The following USH2A variants were observed in gnomAD, a reference collection of about 807,000 sequenced individuals.
USH2A encodes usherin, also known as Usher syndrome 2A (autosomal recessive, mild).
A neutral mutation model predicts 538.9 loss-of-function variants in USH2A; 443 were observed. That is an observed-to-expected ratio of 0.82 (90% CI 0.76 to 0.89). USH2A has a LOEUF of 0.89. Ranked by LOEUF, USH2A falls within the 40% of genes least tolerant of loss-of-function variation. The probability of loss-of-function intolerance (pLI) is 0.00; values close to 1 mark genes in which losing one functional copy is unlikely to be tolerated. For missense variants in USH2A, 6,633 were observed against 6,324.8 expected, an observed-to-expected ratio of 1.05 and a Z score of -1.65; for synonymous variants, 2,413 against 2,273.5, an observed-to-expected ratio of 1.06 and a Z score of -1.75.
At chr1:215,747,111 G>T (rs1031423721) in intron 58 of USH2A, among the ~76,000 whole-genome samples, 1 of 152,172 alleles carries the variant, frequency 6.6e-6, no homozygotes, top group Non-Finnish European at 1.5e-5. Flanking sequence ...GTGCCAGTGT[G>T]CTGAACAAGT....
At chr1:216,272,370 G>A (rs1410392764) in intron 11 of USH2A, among the ~76,000 whole-genome samples, 1 of 151,906 alleles carries the variant, frequency 6.6e-6, no homozygotes, top group Admixed American at 6.6e-5. Flanking sequence ...TTTTGATGTT[G>A]GTACTTTGTG....
At chr1:216,184,234 A>T (rs992714452) in intron 20 of USH2A, among the ~76,000 whole-genome samples, 1 of 152,016 alleles carries the variant, frequency 6.6e-6, no homozygotes, top group Non-Finnish European at 1.5e-5. Context: ...TCATCAGAGG[A>T]TTCCAATGCT....
intron 38 of USH2A, among the ~76,000 whole-genome samples, chr1:215,912,473 ATACG>A (rs1196586089): frequency 3.1e-4 from 5 of 16,058 alleles, no homozygotes; most frequent in African/African-American, 9.5e-4. Flanking sequence ...ATATATATAT[ATACG>A]TATATATATA....
intron 3 of USH2A, among the ~76,000 whole-genome samples, chr1:216,392,322 C>T (rs571664769): frequency 6.6e-6 from 1 of 151,796 alleles, no homozygotes; most frequent in Non-Finnish European, 1.5e-5. Flanking sequence ...CACGGTGAAA[C>T]CCTGTCTCTA....
intron 68 of USH2A, 131 bp downstream of exon 68, chr1:215,640,427 C>T: frequency 8.2e-7 from 1 of 1,215,282 alleles, no homozygotes; most frequent in Non-Finnish European, 1.2e-6. Context: ...GTAACTTTTT[C>T]ACAAGAAGGG....
intron 16 of USH2A, among the ~76,000 whole-genome samples, chr1:216,205,363 G>A (rs1363286671): frequency 6.6e-6 from 1 of 152,230 alleles, no homozygotes; most frequent in African/African-American, 2.4e-5. Flanking sequence ...CAACATGGCA[G>A]ATGTAGACAG....
Position 215,776,849 on chromosome 1 carries a change from A to C in USH2A, c.10939+2994T>G, listed in dbSNP as rs903238972. ...GAATTTTCCTGGGCAAATGAGTAAC[A>C]TTATATAGATCTCAAGTTTCCGATT... On this transcript the variant is annotated intron_variant, in intron 55 of 71. Transcript: ENST00000307340. 3.3e-5 allele frequency among the ~76,000 whole-genome samples: 5 copies of C among 152,316 alleles called. No individual in the cohort carries two copies. The South Asian group carries it at 1.0e-3, about 32-fold the overall frequency.
At chr1:215,816,454 T>C (rs1256560009) in intron 48 of USH2A, among the ~76,000 whole-genome samples, 3 of 152,104 alleles carry the variant, frequency 2.0e-5, no homozygotes, top group Non-Finnish European at 2.9e-5. Flanking sequence ...TGTGATGCTG[T>C]TGTTGCCAAA....
At chr1:216,392,164 A>G (rs2039121588) in intron 3 of USH2A, among the ~76,000 whole-genome samples, 2 of 152,166 alleles carry the variant, frequency 1.3e-5, no homozygotes, top group African/African-American at 4.8e-5. Flanking sequence ...AAATCTTTAC[A>G]TGATGCAAGG....
Position 215,872,402 on chromosome 1 carries a change from T to C in USH2A, c.8682-5232A>G, listed in dbSNP as rs557733727. Among the ~76,000 whole-genome samples, 3 of 152,322 alleles carry C rather than the reference T, an allele frequency of 2.0e-5. 1 individual carries two copies. In the South Asian group the frequency reaches 6.2e-4, roughly 32 times the overall value. On this transcript the variant is annotated intron_variant, in intron 43 of 71. Coordinates refer to ENST00000307340, the MANE Select transcript of USH2A (RefSeq NM_206933.4). Reference sequence around the variant, plus strand: ...TGAATATTTTTAATATGAGACATTTTAGATTGTGAGTGAAACTTGAAGCTG... The same window carrying C: ...TGAATATTTTTAATATGAGACATTTCAGATTGTGAGTGAAACTTGAAGCTG...
intron 64 of USH2A, among the ~76,000 whole-genome samples, chr1:215,663,604 C>T (rs960041970): frequency 6.6e-6 from 1 of 152,094 alleles, no homozygotes; most frequent in Non-Finnish European, 1.5e-5. Flanking sequence ...AGGAGGTGGG[C>T]CCTGCGACCA....
chr1:215,895,824 G>T (rs146932038), intron 40 of USH2A, among the ~76,000 whole-genome samples: 132 of 152,296 alleles, frequency 8.7e-4, no homozygotes, highest in Non-Finnish European at 1.6e-3. Context: ...AAACATCCTA[G>T]AGTGTTCTTA....
intron 44 of USH2A, among the ~76,000 whole-genome samples, chr1:215,860,659 C>T (rs1187775065): frequency 6.6e-6 from 1 of 152,168 alleles, no homozygotes; most frequent in African/African-American, 2.4e-5. Context: ...TGAGTTAAGA[C>T]AGAGACTGTA....
intron 14 of USH2A, among the ~76,000 whole-genome samples, chr1:216,220,253 G>A (rs1227458699): frequency 6.6e-6 from 1 of 151,568 alleles, no homozygotes; most frequent in Non-Finnish European, 1.5e-5. Flanking sequence ...TCAGCTCATG[G>A]GTACTATCAA....
At chr1:216,012,471 C>T (rs2102493759) in intron 32 of USH2A, among the ~76,000 whole-genome samples, 1 of 152,132 alleles carries the variant, frequency 6.6e-6, no homozygotes, top group East Asian at 1.9e-4. Flanking sequence ...CAGGCCTTTC[C>T]TACAGGGTCT....
intron 61 of USH2A, among the ~76,000 whole-genome samples, chr1:215,687,326 C>A (rs1023740618): frequency 2.0e-5 from 3 of 151,788 alleles, no homozygotes; most frequent in African/African-American, 7.3e-5. Flanking sequence ...TCCAACAACT[C>A]TCTACACTCA....
rs144022670 is a variant in USH2A at position 215,997,243 on chromosome 1, T to G, written c.6657+1644A>C. The stretch of plus-strand genomic sequence containing the variant: ...ATAAATATAGTGAACTTGAAAATAA[T>G]GTGAGCAAGTTTATTTCCCTACCAA... On this transcript the variant is annotated intron_variant, in intron 34 of 71. Coordinates refer to ENST00000307340, the MANE Select transcript of USH2A (RefSeq NM_206933.4). 3.1e-3 allele frequency among the ~76,000 whole-genome samples: 467 copies of G among 152,270 alleles called. 1 individual carries two copies. The highest frequency in any genetic ancestry group is 0.011 in the African/African-American group (452 of 41,556).
intron 12 of USH2A, 91 bp from the exon 13 acceptor site, chr1:216,247,317 G>A (rs570314803): frequency 1.0e-5 from 15 of 1,500,890 alleles, no homozygotes; most frequent in South Asian, 3.5e-5. Context: ...CAGATGATAC[G>A]AACACAAAAT....
chr1:215,951,866 T>A lies in USH2A; in HGVS notation c.7120+13451A>T, dbSNP rs1490762550. ...TTTATTTTTTTTATTTTTTATTTTT[T>A]TTATTTTTTGAGACGGAGTCTTGCT... On this transcript the variant is annotated intron_variant, in intron 37 of 71. Transcript: ENST00000307340. Among the ~76,000 whole-genome samples, 1,225 of 151,344 alleles carry A rather than the reference T, an allele frequency of 8.1e-3. 27 individuals are homozygous for A. Among genetic ancestry groups the A allele is most frequent in the African/African-American group, 0.028 (1,150 of 40,828 alleles).
Sources: allele counts gnomAD v4.1 joint callset (sites outside exome capture counted in the v4.1 genomes callset), GRCh38; gene constraint gnomAD v4.1.1; transcripts MANE v1.5; gene names NCBI Gene and HGNC (gene_info 2026-07-23, HGNC 2026-07-21).